PRKN: variants seen among roughly 807,000 people sequenced by gnomAD.
The protein encoded by PRKN is E3 ubiquitin-protein ligase parkin.
PRKN carries 56 observed loss-of-function variants against 59.5 expected under a neutral mutation model. The observed-to-expected ratio is 0.94, with a 90% CI of 0.76 to 1.18. PRKN has a LOEUF of 1.18. PRKN is among the 50% of genes most tolerant of loss of function. PRKN has a pLI of 0.00. For missense variants in PRKN, 657 were observed against 596.4 expected (o/e 1.10, Z -1.06); for synonymous variants, 250 against 222.1 (o/e 1.13, Z -1.12).
intron 9 of PRKN, among the ~76,000 whole-genome samples, chr6:161,455,315 A>G (rs61591550): frequency 0.018 from 2,682 of 152,094 alleles, 85 homozygotes; most frequent in African/African-American, 0.061. Context: ...GGGATTACAG[A>G]TGTGAGCCAC....
At chr6:161,896,184 G>A (rs1327036905) in intron 6 of PRKN, among the ~76,000 whole-genome samples, 1 of 152,102 alleles carries the variant, frequency 6.6e-6, no homozygotes, top group Non-Finnish European at 1.5e-5. Flanking sequence ...AGAATTGAAG[G>A]TGGCCATGAA....
At chr6:162,155,413 A>G (rs771492627) in intron 4 of PRKN, among the ~76,000 whole-genome samples, 1 of 152,142 alleles carries the variant, frequency 6.6e-6, no homozygotes, top group Non-Finnish European at 1.5e-5. Context: ...CTCATCAGAG[A>G]ATTTGGGATT....
At position 162,056,393 on chromosome 6, in the gene PRKN, G is replaced by A. The variant is rs368665071; in HGVS notation, c.535-2219C>T. Among the ~76,000 whole-genome samples, 7 of 151,836 alleles carry A rather than the reference G, an allele frequency of 4.6e-5. No individual in the cohort carries two copies. Among genetic ancestry groups the A allele is most frequent in the South Asian group, 4.2e-4 (2 of 4,814 alleles). On this transcript the variant is annotated intron_variant, in intron 4 of 11. Transcript: ENST00000366898. The surrounding 1 kb of genome is among the most constrained non-coding windows in gnomAD (Gnocchi z 4.9). ...CTCACACACTCATGCATGCACACAC[G>A]CACTATTCTAGAGAAAAGTCGGGGA...
intron 7 of PRKN, among the ~76,000 whole-genome samples, chr6:161,587,754 T>G (rs1253799500): frequency 1.3e-5 from 2 of 152,184 alleles, no homozygotes; most frequent in East Asian, 3.8e-4. Context: ...ACCCAAGCAA[T>G]ATACACCGAA....
At chr6:161,973,142 C>T (rs527955107) in intron 6 of PRKN, among the ~76,000 whole-genome samples, 160 bp downstream of exon 6, 62 of 152,160 alleles carry the variant, frequency 4.1e-4, no homozygotes, top group African/African-American at 1.5e-3. Context: ...ATTGGGCAGA[C>T]GCATCAAAAT....
At chr6:162,179,933 G>C (rs369305038) in intron 4 of PRKN, among the ~76,000 whole-genome samples, 3 of 130,750 alleles carry the variant, frequency 2.3e-5, no homozygotes, top group African/African-American at 8.0e-5. Context: ...CAGAAAAATT[G>C]TAGTAAGGGG....
intron 1 of PRKN, among the ~76,000 whole-genome samples, chr6:162,498,380 TTTTC>T (rs1269471779): frequency 8.5e-5 from 12 of 141,630 alleles, no homozygotes; most frequent in South Asian, 4.5e-4. Flanking sequence ...GAATCATTTT[TTTTC>T]TTTCTTTCCT....
At chr6:161,978,806 G>A (rs929408108) in intron 5 of PRKN, among the ~76,000 whole-genome samples, 1 of 152,216 alleles carries the variant, frequency 6.6e-6, no homozygotes, top group African/African-American at 2.4e-5. Flanking sequence ...CATTGTTTGA[G>A]TTCTAGCGTG....
chr6:161,514,629 C>G (rs1376167170), intron 9 of PRKN, among the ~76,000 whole-genome samples: 4 of 151,930 alleles, frequency 2.6e-5, no homozygotes, highest in African/African-American at 9.7e-5. Context: ...GGGGAGGAAA[C>G]TGGAGTTGGG....
chr6:162,234,575 C>A (rs534559025), intron 3 of PRKN, among the ~76,000 whole-genome samples: 4 of 152,236 alleles, frequency 2.6e-5, no homozygotes, highest in African/African-American at 9.6e-5. Context: ...TACACACATC[C>A]TACTGTATAC....
intron 2 of PRKN, among the ~76,000 whole-genome samples, chr6:162,366,586 A>AT (rs1302990662): frequency 6.6e-6 from 1 of 152,144 alleles, no homozygotes; most frequent in African/African-American, 2.4e-5. Flanking sequence ...TTCTTTGATC[A>AT]TACCTATAAA....
intron 1 of PRKN, among the ~76,000 whole-genome samples, chr6:162,484,295 G>A (rs1011370137): frequency 2.6e-5 from 4 of 152,098 alleles, no homozygotes; most frequent in Admixed American, 6.5e-5. Context: ...TGAAGAATAC[G>A]GTTCATTAGG....
rs970260736 is a variant in PRKN at position 162,401,192 on chromosome 6, A to G, written c.171+42118T>C. On this transcript the variant is annotated intron_variant, in intron 2 of 11. Coordinates refer to ENST00000366898, the MANE Select transcript of PRKN (RefSeq NM_004562.3). ...AATATATATAAACAACATAACCATAAAAGTCAGAAAAAAAGAATATTAAGA... is the reference window on the plus strand; with the variant it reads ...AATATATATAAACAACATAACCATAGAAGTCAGAAAAAAAGAATATTAAGA... Among the ~76,000 whole-genome samples the G allele has an allele frequency of 3.3e-5, 5 of 152,188 alleles. No homozygotes were observed. In the South Asian group the frequency reaches 1.0e-3, roughly 32 times the overall value.
chr6:161,831,514 C>G (rs527400739), intron 6 of PRKN, among the ~76,000 whole-genome samples: 1 of 152,108 alleles, frequency 6.6e-6, no homozygotes, highest in East Asian at 1.9e-4. Flanking sequence ...TGGAGGTTCC[C>G]GATTTTCATA....
intron 7 of PRKN, among the ~76,000 whole-genome samples, chr6:161,640,420 G>T (rs1422772007): frequency 6.6e-6 from 1 of 152,120 alleles, no homozygotes; most frequent in East Asian, 1.9e-4. Flanking sequence ...GCACATATGG[G>T]CACCTGGGCA....
chr6:162,071,176 A>G (rs372003712), intron 4 of PRKN, among the ~76,000 whole-genome samples: 8 of 151,100 alleles, frequency 5.3e-5, no homozygotes, highest in South Asian at 2.1e-4. Flanking sequence ...GCCCTTGAGC[A>G]CTGCCACCCT....
chr6:161,965,344 T>G (rs981519095), intron 6 of PRKN, among the ~76,000 whole-genome samples: 2 of 152,082 alleles, frequency 1.3e-5, no homozygotes, highest in Admixed American at 6.5e-5. Flanking sequence ...TAGAACAGAT[T>G]TTTAAATTTA....
chr6:162,719,529 A>C (rs1047974627), intron 1 of PRKN, among the ~76,000 whole-genome samples: 2 of 84,592 alleles, frequency 2.4e-5, no homozygotes, highest in Admixed American at 3.5e-4. Context: ...TCATTCCTCA[A>C]TTTTGTTTCA....
rs1464347859 is a variant in PRKN, at chr6:161,550,013, G to T, written c.934-1010C>A. Among the ~76,000 whole-genome samples the T allele has an allele frequency of 1.3e-5, 2 of 152,160 alleles. No individual in the cohort carries two copies. Among genetic ancestry groups the T allele is most frequent in the Admixed American group, 6.5e-5 (1 of 15,276 alleles). On this transcript the variant is annotated intron_variant, in intron 8 of 11. Coordinates refer to ENST00000366898, the MANE Select transcript of PRKN (RefSeq NM_004562.3). The surrounding 1 kb of genome is among the most constrained non-coding windows in gnomAD (Gnocchi z 4.0). ...AAGGTGGAGATTTCAATTTTAAAGA[G>T]GTGATTACAGAATGCCTTACAAAGC... is the stretch of plus-strand genomic sequence containing the variant.
Sources: gnomAD v4.1 joint callset for allele counts (sites outside exome capture counted in the v4.1 genomes callset) on GRCh38, gnomAD v4.1.1 for gene constraint, Gnocchi (gnomAD v3.1) non-coding constraint, MANE v1.5 for transcripts, NCBI Gene and HGNC (gene_info 2026-07-23, HGNC 2026-07-21) for gene names.